The following CFAP20DC variants were observed in gnomAD, a reference collection of about 807,000 sequenced individuals.
CFAP20DC encodes the protein protein CFAP20DC.
CFAP20DC carries 84 observed loss-of-function variants against 101.7 expected under a neutral mutation model. That is an observed-to-expected ratio of 0.83 (90% CI 0.69 to 0.99). The LOEUF is 0.99. CFAP20DC is among the 50% of genes least tolerant of loss of function. The pLI is 0.00. For missense variants in CFAP20DC, 1,007 were observed against 970.3 expected, an observed-to-expected ratio of 1.04 and a Z score of -0.50; for synonymous variants, 359 against 351.2, an observed-to-expected ratio of 1.02 and a Z score of -0.25.
intron 3 of CFAP20DC, chr3:58,726,732 T>G (rs1320243140): frequency 7.4e-6 from 1 of 134,626 alleles, no homozygotes; most frequent in Non-Finnish European, 1.5e-5. Context: ...ATCACTTCCC[T>G]TCACACCATC....
At chr3:58,984,819 A>T (rs2092698252) in intron 4 of CFAP20DC, among the ~76,000 whole-genome samples, 1 of 152,206 alleles carries the variant, frequency 6.6e-6, no homozygotes, top group Non-Finnish European at 1.5e-5. Flanking sequence ...TCTCATTTAT[A>T]AATTATCACT....
Position 58,799,912 on chromosome 3 carries a change from A to G in CFAP20DC, c.2237+6483T>C, listed in dbSNP as rs570030919. Among the ~76,000 whole-genome samples, 101 of 152,352 alleles carry G rather than the reference A, an allele frequency of 6.6e-4. No homozygotes were observed. Among genetic ancestry groups the G allele is most frequent in the African/African-American group, 2.3e-3 (97 of 41,576 alleles). On this transcript the variant is annotated intron_variant, in intron 15 of 16. Coordinates refer to ENST00000482387, the MANE Select transcript of CFAP20DC (RefSeq NM_001394063.1). The surrounding 1 kb of genome is among the most constrained non-coding windows in gnomAD (Gnocchi z 4.9). ...GAGGAGAGGATGTTTATTTACGTGG[A>G]GACTCTACTGACAGGGAGAGGCAGC...
chr3:58,893,635 G>T (rs2082431759), intron 6 of CFAP20DC, among the ~76,000 whole-genome samples: 1 of 152,148 alleles, frequency 6.6e-6, no homozygotes, highest in African/African-American at 2.4e-5. Context: ...TTGGTATCAG[G>T]ATGATGGCCT....
chr3:58,817,971 G>A (rs966095635), intron 14 of CFAP20DC, among the ~76,000 whole-genome samples: 1 of 150,592 alleles, frequency 6.6e-6, no homozygotes, highest in Admixed American at 6.6e-5. Flanking sequence ...CCAGAAGAGA[G>A]TGGGAGCCAA....
chr3:58,905,974 T>C (rs550972455), intron 6 of CFAP20DC, among the ~76,000 whole-genome samples: 6 of 152,272 alleles, frequency 3.9e-5, no homozygotes, highest in African/African-American at 1.2e-4. Flanking sequence ...ATTAGGAATA[T>C]AAGCTCTGGA....
At position 58,936,452 on chromosome 3, in the gene CFAP20DC, C is replaced by T. The variant is rs531467074; in HGVS notation, c.393+1196G>A. On this transcript the variant is annotated intron_variant, in intron 5 of 16. Coordinates refer to ENST00000482387, the MANE Select transcript of CFAP20DC (RefSeq NM_001394063.1). ...TATACCCAAAGGGTTAGAAATCATG[C>T]TGCTATAAAGACACATGCACACGTA... Among the ~76,000 whole-genome samples the T allele has an allele frequency of 1.8e-4, 28 of 152,302 alleles. No individual in the cohort carries two copies. The South Asian group carries it at 5.4e-3, about 29-fold the overall frequency.
chr3:58,873,394 G>A (rs1459518648), intron 7 of CFAP20DC, among the ~76,000 whole-genome samples: 6 of 150,656 alleles, frequency 4.0e-5, no homozygotes, highest in African/African-American at 1.5e-4. Context: ...TAGCTATTCT[G>A]GATGCTGTCA....
chr3:59,030,917 G>A lies in CFAP20DC; in HGVS notation c.278+8640C>T, dbSNP rs560916545. Among the ~76,000 whole-genome samples the A allele has an allele frequency of 7.4e-4, 112 of 152,134 alleles. 2 individuals carry two copies. The highest frequency in any genetic ancestry group is 2.6e-3 in the African/African-American group (107 of 41,518). ...CGGCTCACTGCAAGCTCCGCCTCCC[G>A]GGTTCACGCCATTCTCCTGCCTCAG... On this transcript the variant is annotated intron_variant, in intron 4 of 16. Transcript: ENST00000482387.
chr3:58,978,554 C>T lies in CFAP20DC; in HGVS notation c.279-40792G>A, dbSNP rs140000193. 5.5e-3 allele frequency among the ~76,000 whole-genome samples: 828 copies of T among 151,864 alleles called. 10 individuals are homozygous for T. Among genetic ancestry groups the T allele is most frequent in the African/African-American group, 0.019 (789 of 41,416 alleles). ...TGAAACCCCATCTCTGCTAAAAATA[C>T]AAAAATTAGCCAGGCTTGGTGGTAC... On this transcript the variant is annotated intron_variant, in intron 4 of 16. Transcript: ENST00000482387.
intron 3 of CFAP20DC, among the ~76,000 whole-genome samples, chr3:58,718,988 A>G (rs1253943723): frequency 6.6e-6 from 1 of 152,166 alleles, no homozygotes; most frequent in African/African-American, 2.4e-5. Flanking sequence ...CATGCTTGTA[A>G]TGCCAGCACT....
intron 5 of CFAP20DC, among the ~76,000 whole-genome samples, chr3:58,924,929 T>A (rs776673424): frequency 2.6e-5 from 4 of 152,012 alleles, no homozygotes; most frequent in South Asian, 2.1e-4. Context: ...GGGTTATTTG[T>A]TTTTTTCTTG....
intron 13 of CFAP20DC, among the ~76,000 whole-genome samples, chr3:58,843,225 A>G (rs2077309930): frequency 6.6e-6 from 1 of 152,144 alleles, no homozygotes; most frequent in Admixed American, 6.5e-5. Context: ...GAGCTACGGG[A>G]GGACATTCAA....
chr3:58,816,983 C>T (rs530670315), intron 14 of CFAP20DC, among the ~76,000 whole-genome samples: 3 of 152,294 alleles, frequency 2.0e-5, no homozygotes, highest in Admixed American at 2.0e-4. Flanking sequence ...TCCCTGGCCC[C>T]TGACCCCCGA....
At chr3:58,977,175 G>C (rs963875009) in intron 4 of CFAP20DC, among the ~76,000 whole-genome samples, 3 of 152,118 alleles carry the variant, frequency 2.0e-5, no homozygotes, top group African/African-American at 4.8e-5. Flanking sequence ...CAATTTCTAA[G>C]AACCTATTGA....
At chr3:58,973,816 AAGGGAAGGAACT>A (rs2092102362) in intron 4 of CFAP20DC, among the ~76,000 whole-genome samples, 1 of 152,196 alleles carries the variant, frequency 6.6e-6, no homozygotes, top group South Asian at 2.1e-4. Context: ...ATAAAGGGGC[AAGGGAAGGAACT>A]AGAGTCAGAG....
chr3:58,812,742 T>G (rs944134360), intron 14 of CFAP20DC, among the ~76,000 whole-genome samples: 4 of 151,590 alleles, frequency 2.6e-5, no homozygotes, highest in Admixed American at 1.3e-4. Context: ...AAGAAGGGTA[T>G]GGGTTTATTT....
intron 12 of CFAP20DC, among the ~76,000 whole-genome samples, chr3:58,855,395 TA>T (rs1169516703): frequency 6.6e-6 from 1 of 152,132 alleles, no homozygotes; most frequent in East Asian, 1.9e-4. Context: ...GCTGGGACTG[TA>T]AACTAGTTCA....
At chr3:58,888,639 T>G (rs2081874360) in intron 6 of CFAP20DC, among the ~76,000 whole-genome samples, 1 of 152,170 alleles carries the variant, frequency 6.6e-6, no homozygotes. Flanking sequence ...CAGCTCCCAC[T>G]TATGAGAGCA....
chr3:58,983,087 C>T (rs1262963105), intron 4 of CFAP20DC, among the ~76,000 whole-genome samples: 4 of 152,052 alleles, frequency 2.6e-5, no homozygotes, highest in African/African-American at 9.7e-5. Flanking sequence ...ATATTCTGAT[C>T]ATGGGCCATT....
Sources: allele counts gnomAD v4.1 joint callset (sites outside exome capture counted in the v4.1 genomes callset), GRCh38; gene constraint gnomAD v4.1.1; non-coding constraint Gnocchi (gnomAD v3.1); transcripts MANE v1.5; gene names NCBI Gene and HGNC (gene_info 2026-07-23, HGNC 2026-07-21).